CTNNA2: variants seen among roughly 807,000 people sequenced by gnomAD.
CTNNA2 encodes the protein catenin alpha-2.
In CTNNA2, 42 loss-of-function variants were observed where a neutral mutation model predicts 101.0. That is an observed-to-expected ratio of 0.42 (90% confidence interval 0.32 to 0.54). CTNNA2 has a LOEUF of 0.54. Among genes scored for constraint, CTNNA2 ranks in the 20% least tolerant of loss-of-function variants. The pLI is 0.14. For missense variants in CTNNA2, 871 were observed against 1,223.1 expected (o/e 0.71, Z 4.29); for synonymous variants, 450 against 456.4 (o/e 0.99, Z 0.18).
intron 7 of CTNNA2, among the ~76,000 whole-genome samples, chr2:79,917,385 T>C (rs908578805): frequency 1.3e-5 from 2 of 152,128 alleles, no homozygotes; most frequent in African/African-American, 4.8e-5. Flanking sequence ...TTGTTTTTAA[T>C]TGGTATTTCT....
At chr2:79,414,041 G>GT (rs995151454) in intron 4 of CTNNA2, among the ~76,000 whole-genome samples, 12 of 149,286 alleles carry the variant, frequency 8.0e-5, no homozygotes, top group African/African-American at 1.2e-4. Context: ...CAGGCATGCG[G>GT]TTTTTTTAGA....
At chr2:79,335,214 A>G (rs938110754) in intron 3 of CTNNA2, among the ~76,000 whole-genome samples, 1 of 152,004 alleles carries the variant, frequency 6.6e-6, no homozygotes, top group African/African-American at 2.4e-5. Context: ...GCCCCCAGTT[A>G]CCCTCAGAAT....
intron 7 of CTNNA2, among the ~76,000 whole-genome samples, chr2:80,178,423 G>T (rs760660541): frequency 6.6e-6 from 1 of 152,218 alleles, no homozygotes; most frequent in Non-Finnish European, 1.5e-5. Context: ...GTTATCTGCA[G>T]AAGATGACAG....
At chr2:80,191,988 G>A (rs752848229) in intron 7 of CTNNA2, among the ~76,000 whole-genome samples, 1 of 152,140 alleles carries the variant, frequency 6.6e-6, no homozygotes, top group Admixed American at 6.5e-5. Flanking sequence ...ATTATTCAGA[G>A]CATTAGGACC....
chr2:80,220,863 TTTTG>T (rs1368676641), intron 7 of CTNNA2, among the ~76,000 whole-genome samples: 2 of 152,118 alleles, frequency 1.3e-5, no homozygotes, highest in Non-Finnish European at 2.9e-5. Context: ...CTTTCTGGTT[TTTTG>T]TTTGTTTTTG....
intron 7 of CTNNA2, among the ~76,000 whole-genome samples, chr2:80,351,265 T>A (rs981685265): frequency 6.6e-6 from 1 of 151,788 alleles, no homozygotes. Context: ...ATAGGCAGAG[T>A]GGCTTTTTGA....
chr2:79,376,595 A>G (rs1488338013), intron 4 of CTNNA2, among the ~76,000 whole-genome samples: 3 of 152,020 alleles, frequency 2.0e-5, no homozygotes, highest in African/African-American at 4.8e-5. Flanking sequence ...TTAACTCCTC[A>G]TTTAACATTA....
intron 6 of CTNNA2, among the ~76,000 whole-genome samples, chr2:79,906,293 T>TACACACAC (rs35256196): frequency 6.7e-6 from 1 of 149,786 alleles, no homozygotes; most frequent in Non-Finnish European, 1.5e-5. Context: ...TCATCCGGGA[T>TACACACAC]ACACACACAC....
intron 7 of CTNNA2, among the ~76,000 whole-genome samples, chr2:79,984,189 G>C (rs1277938647): frequency 6.6e-6 from 1 of 152,146 alleles, no homozygotes; most frequent in African/African-American, 2.4e-5. Flanking sequence ...TTTGTTAATT[G>C]CCACGGAATT....
Position 79,960,489 on chromosome 2 carries a change from A to G in CTNNA2, c.1056+50692A>G, listed in dbSNP as rs1033174358. Among the ~76,000 whole-genome samples, 3 of 152,220 alleles carry G rather than the reference A, an allele frequency of 2.0e-5. No homozygotes were observed. In the East Asian group the frequency reaches 5.8e-4, roughly 29 times the overall value. ...TAGTGCTGCGATTGATTCTGCTTTA[A>G]TGTTGCTTGTTCAGGTAGCAAAGCC... On this transcript the variant is annotated intron_variant, in intron 7 of 18. Transcript: ENST00000402739.
intron 9 of CTNNA2, among the ~76,000 whole-genome samples, chr2:80,508,573 C>T (rs1688458194): frequency 6.6e-6 from 1 of 151,610 alleles, no homozygotes; most frequent in Non-Finnish European, 1.5e-5. Flanking sequence ...CATATGGACT[C>T]TCTCTAGTCT....
intron 3 of CTNNA2, among the ~76,000 whole-genome samples, chr2:79,353,507 A>C (rs1677438087): frequency 6.6e-6 from 1 of 151,982 alleles, no homozygotes; most frequent in African/African-American, 2.4e-5. Context: ...TTTTTTGTTT[A>C]CCATTTGCAT....
intron 2 of CTNNA2, among the ~76,000 whole-genome samples, chr2:79,212,976 C>G (rs999311954): frequency 6.6e-6 from 1 of 152,128 alleles, no homozygotes; most frequent in Non-Finnish European, 1.5e-5. Flanking sequence ...AAGAGATGGG[C>G]TAGTGGCTTG....
At position 80,152,191 on chromosome 2, in the gene CTNNA2, A is replaced by G. The variant is rs62140135; in HGVS notation, c.1057-241020A>G. Among the ~76,000 whole-genome samples, 508 of 152,348 alleles carry G rather than the reference A, an allele frequency of 3.3e-3. 3 individuals are homozygous for G. The highest frequency in any genetic ancestry group is 5.2e-3 in the Non-Finnish European group (352 of 68,030). On this transcript the variant is annotated intron_variant, in intron 7 of 18. Transcript: ENST00000402739. ...ATTCAGTTAAGAATACTTGATCCCA[A>G]TATCCTTTCAACACTTCAGCATCTG... is the stretch of plus-strand genomic sequence containing the variant.
At chr2:79,283,159 C>T (rs1465850306) in intron 2 of CTNNA2, among the ~76,000 whole-genome samples, 2 of 96,408 alleles carry the variant, frequency 2.1e-5, no homozygotes, top group East Asian at 4.3e-4. Flanking sequence ...TGGATATTAG[C>T]CCTTTGTCAG....
chr2:80,224,445 T>C (rs1708754976), intron 7 of CTNNA2, among the ~76,000 whole-genome samples: 1 of 152,050 alleles, frequency 6.6e-6, no homozygotes, highest in Non-Finnish European at 1.5e-5. Context: ...ATTTTTATTT[T>C]TATTTTTATT....
At chr2:80,394,081 G>A (rs1423782153) in intron 8 of CTNNA2, among the ~76,000 whole-genome samples, 1 of 152,190 alleles carries the variant, frequency 6.6e-6, no homozygotes, top group African/African-American at 2.4e-5. Flanking sequence ...CTTTGGCTAT[G>A]TCCATCTCAT....
intron 7 of CTNNA2, among the ~76,000 whole-genome samples, chr2:80,196,846 C>G (rs1706866175): frequency 6.6e-6 from 1 of 152,292 alleles, no homozygotes; most frequent in African/African-American, 2.4e-5. Flanking sequence ...CAAAACTACT[C>G]CAGTGGCTTT....
At chr2:79,953,984 C>T (rs1239121154) in intron 7 of CTNNA2, among the ~76,000 whole-genome samples, 1 of 152,096 alleles carries the variant, frequency 6.6e-6, no homozygotes, top group Non-Finnish European at 1.5e-5. Context: ...TATCTAGACA[C>T]TACCTGAAAA....
Sources: gnomAD v4.1 joint callset for allele counts (sites outside exome capture counted in the v4.1 genomes callset) on GRCh38, gnomAD v4.1.1 for gene constraint, MANE v1.5 for transcripts, NCBI Gene and HGNC (gene_info 2026-07-23, HGNC 2026-07-21) for gene names.